Variants in KDM2A observed in about 807,000 individuals in gnomAD.
The protein encoded by KDM2A is lysine demethylase 2A.
KDM2A carries 3 observed loss-of-function variants against 137.3 expected under a neutral mutation model. The observed-to-expected ratio is 0.02, with a 90% CI of 0.01 to 0.06. The LOEUF (loss-of-function observed/expected upper bound fraction) is 0.06, where lower values mean the gene tolerates loss of function less well. KDM2A is among the 10% of genes least tolerant of loss of function. KDM2A has a pLI of 1.00. For missense variants in KDM2A, 738 were observed against 1,510.6 expected, an observed-to-expected ratio of 0.49 and a Z score of 8.48; for synonymous variants, 512 against 541.5, an observed-to-expected ratio of 0.95 and a Z score of 0.76.
At chr11:67,189,145 G>T (rs1857282554) in intron 5 of KDM2A, among the ~76,000 whole-genome samples, 2 of 152,044 alleles carry the variant, frequency 1.3e-5, no homozygotes, top group African/African-American at 4.8e-5. Context: ...CATTTTCCAG[G>T]ATACACCATA....
At chr11:67,158,840 A>G (rs1856576564) in intron 2 of KDM2A, among the ~76,000 whole-genome samples, 5 of 151,926 alleles carry the variant, frequency 3.3e-5, no homozygotes, top group Admixed American at 2.6e-4. Flanking sequence ...CTCTGTTTAG[A>G]TCTTTTGCTT....
chr11:67,160,427 G>A (rs1856610116), intron 2 of KDM2A, among the ~76,000 whole-genome samples: 1 of 152,132 alleles, frequency 6.6e-6, no homozygotes, highest in Non-Finnish European at 1.5e-5. Context: ...AATGCCAGCA[G>A]GAAAGTGATT....
chr11:67,173,183 C>T (rs916423825), intron 2 of KDM2A, among the ~76,000 whole-genome samples: 5 of 152,088 alleles, frequency 3.3e-5, no homozygotes, highest in East Asian at 1.9e-4. Context: ...AGTGCAGTGG[C>T]GCGATCTCAG....
intron 2 of KDM2A, among the ~76,000 whole-genome samples, chr11:67,159,022 G>A (rs893572849): frequency 1.1e-4 from 16 of 151,980 alleles, no homozygotes; most frequent in Non-Finnish European, 2.2e-4. Context: ...CAGTTTCATT[G>A]AAATCCAGTT....
intron 5 of KDM2A, among the ~76,000 whole-genome samples, chr11:67,184,572 A>T (rs1314192151): frequency 6.6e-6 from 1 of 152,192 alleles, no homozygotes; most frequent in Admixed American, 6.5e-5. Flanking sequence ...GGTTGCAGTG[A>T]GCGAAGCTTG....
intron 5 of KDM2A, among the ~76,000 whole-genome samples, chr11:67,201,480 A>G (rs928151039): frequency 2.6e-5 from 4 of 151,914 alleles, no homozygotes; most frequent in Admixed American, 1.3e-4. Context: ...TCTACAAAAA[A>G]TTAGCCATGG....
chr11:67,202,290 A>G (rs1391786420), intron 5 of KDM2A, among the ~76,000 whole-genome samples: 1 of 152,190 alleles, frequency 6.6e-6, no homozygotes, highest in Non-Finnish European at 1.5e-5. Context: ...TTGTTAAAAT[A>G]ACAAGGTATT....
At chr11:67,126,246 C>CAAA (rs112684494) in intron 2 of KDM2A, among the ~76,000 whole-genome samples, 1 of 76,862 alleles carries the variant, frequency 1.3e-5, no homozygotes, top group Non-Finnish European at 2.7e-5. Flanking sequence ...AACTCCGTCT[C>CAAA]AAAAAAAAAA....
intron 2 of KDM2A, among the ~76,000 whole-genome samples, chr11:67,139,306 A>G (rs1173187831): frequency 6.6e-6 from 1 of 150,988 alleles, no homozygotes; most frequent in East Asian, 2.0e-4. Flanking sequence ...GTGCAGTGGC[A>G]TGATCTCAGC....
chr11:67,222,285 A>C (rs1230986510), intron 10 of KDM2A, among the ~76,000 whole-genome samples: 1 of 77,840 alleles, frequency 1.3e-5, no homozygotes, highest in Non-Finnish European at 2.5e-5. Flanking sequence ...CTTAACGAGC[A>C]TGCTGCCTTC....
chr11:67,151,907 G>C (rs1416556522), intron 2 of KDM2A, among the ~76,000 whole-genome samples: 1 of 151,980 alleles, frequency 6.6e-6, no homozygotes, highest in Non-Finnish European at 1.5e-5. Flanking sequence ...ACCACACCGG[G>C]CTAATTTTTT....
intron 12 of KDM2A, among the ~76,000 whole-genome samples, chr11:67,241,858 CAGG>C (rs1859052802): frequency 6.6e-6 from 1 of 152,166 alleles, no homozygotes. Context: ...CACCTGAGGT[CAGG>C]AGTTCGAGAC....
At chr11:67,227,127 T>C (rs375528829) in intron 10 of KDM2A, among the ~76,000 whole-genome samples, 17 of 152,202 alleles carry the variant, frequency 1.1e-4, no homozygotes, top group African/African-American at 4.1e-4. Context: ...TTGGGAAGAA[T>C]GGAAAGAAAA....
chr11:67,244,836 A>T (rs1293025036), intron 13 of KDM2A, among the ~76,000 whole-genome samples: 1 of 152,066 alleles, frequency 6.6e-6, no homozygotes, highest in African/African-American at 2.4e-5. Flanking sequence ...ATACAAAAAA[A>T]TTAGCTGGGC....
chr11:67,239,579 C>T (rs918806242), intron 12 of KDM2A, among the ~76,000 whole-genome samples: 5 of 152,156 alleles, frequency 3.3e-5, no homozygotes, highest in Non-Finnish European at 5.9e-5. Context: ...GAACTCAGCT[C>T]CTGTGCCTAG....
intron 5 of KDM2A, among the ~76,000 whole-genome samples, chr11:67,203,003 C>CA (rs752108775): frequency 0.028 from 2,959 of 104,766 alleles, 39 homozygotes; most frequent in East Asian, 0.06. Context: ...CGTCCGCCGC[C>CA]AAAAAAAAAA....
At chr11:67,195,369 CAAA>C (rs34494813) in intron 5 of KDM2A, among the ~76,000 whole-genome samples, 3 of 65,230 alleles carry the variant, frequency 4.6e-5, no homozygotes, top group South Asian at 9.8e-4. Context: ...ACTCCGTCTC[CAAA>C]AAAAAAAAAA....
rs899687267 is a variant in KDM2A at position 67,215,522 on chromosome 11, A to T, written c.593+76A>T. The T allele has an allele frequency of 1.6e-5, 15 of 937,000 alleles. No individual in the cohort carries two copies. The African/African-American group carries it at 2.4e-4, about 15-fold the overall frequency. The allele number at this position is 937,000 out of a possible 1,614,324, so 58.0% of individuals were successfully genotyped here. Reference sequence around the variant, plus strand: ...AATAGCAAGGATTGGCTTCTCCCTTACGAGCTTTGCTCTGTGTCTTGAATG... The same window carrying T: ...AATAGCAAGGATTGGCTTCTCCCTTTCGAGCTTTGCTCTGTGTCTTGAATG... On this transcript the variant is annotated intron_variant, in intron 7 of 20. Coordinates refer to ENST00000529006, the MANE Select transcript of KDM2A (RefSeq NM_012308.3).
chr11:67,205,972 C>T (rs558675866), intron 5 of KDM2A, among the ~76,000 whole-genome samples: 1 of 152,192 alleles, frequency 6.6e-6, no homozygotes, highest in East Asian at 1.9e-4. Flanking sequence ...ATGATACTTC[C>T]CTTTTGTTTT....
Sources: allele counts gnomAD v4.1 joint callset (sites outside exome capture counted in the v4.1 genomes callset), GRCh38; gene constraint gnomAD v4.1.1; transcripts MANE v1.5; gene names NCBI Gene and HGNC (gene_info 2026-07-23, HGNC 2026-07-21).